TIAM2: variants seen among roughly 807,000 people sequenced by gnomAD.
TIAM2 encodes TIAM Rac1 associated GEF 2, also known as rho guanine nucleotide exchange factor TIAM2.
TIAM2 carries 80 observed loss-of-function variants against 152.9 expected under a neutral mutation model. That is an observed-to-expected ratio of 0.52 (90% confidence interval 0.44 to 0.63). TIAM2 has a LOEUF of 0.63. Among genes scored for constraint, TIAM2 ranks in the 30% least tolerant of loss-of-function variants. The pLI is 0.00. For missense variants in TIAM2, 1,965 were observed against 2,120.1 expected, an observed-to-expected ratio of 0.93 and a Z score of 1.44; for synonymous variants, 804 against 838.0, an observed-to-expected ratio of 0.96 and a Z score of 0.70.
intron 13 of TIAM2, among the ~76,000 whole-genome samples, chr6:155,182,649 G>T (rs1379639153): frequency 6.6e-6 from 1 of 152,008 alleles, no homozygotes; most frequent in East Asian, 1.9e-4. Flanking sequence ...CCTATATATA[G>T]AGAGAGCATG....
At chr6:155,230,033 G>T (rs1782395829) in intron 15 of TIAM2, among the ~76,000 whole-genome samples, 1 of 151,938 alleles carries the variant, frequency 6.6e-6, no homozygotes, top group Admixed American at 6.6e-5. Context: ...TGAGATTTGG[G>T]TGGGGACACA....
chr6:155,029,674 CAG>C (rs1039363632), intron 1 of TIAM2, among the ~76,000 whole-genome samples: 4 of 85,268 alleles, frequency 4.7e-5, no homozygotes, highest in South Asian at 3.1e-4. Flanking sequence ...TAACTATATA[CAG>C]AGTTATATAA....
chr6:155,183,521 C>T (rs754023268), intron 14 of TIAM2, 21 bp downstream of exon 14: 2 of 1,581,726 alleles, frequency 1.3e-6, no homozygotes, highest in South Asian at 1.2e-5. Context: ...GTTCTGTCTT[C>T]CTTCTTAACT....
At chr6:155,041,275 AG>A (rs1777041902) in intron 1 of TIAM2, among the ~76,000 whole-genome samples, 1 of 152,166 alleles carries the variant, frequency 6.6e-6, no homozygotes, top group Admixed American at 6.5e-5. Flanking sequence ...TTTTCCCCCC[AG>A]GGGCTGGGGG....
intron 2 of TIAM2, among the ~76,000 whole-genome samples, chr6:155,091,397 A>C (rs1778302603): frequency 6.6e-6 from 1 of 152,232 alleles, no homozygotes; most frequent in South Asian, 2.1e-4. Flanking sequence ...TCTGTTGCAC[A>C]GCAGATATGT....
At chr6:155,057,072 A>G (rs1256269060) in intron 1 of TIAM2, among the ~76,000 whole-genome samples, 2 of 116,966 alleles carry the variant, frequency 1.7e-5, no homozygotes, top group Admixed American at 1.3e-4. Context: ...TTTGTCATCC[A>G]GATTGGAGTG....
intron 1 of TIAM2, among the ~76,000 whole-genome samples, chr6:155,048,485 G>A (rs1311366182): frequency 6.6e-6 from 1 of 152,120 alleles, no homozygotes; most frequent in African/African-American, 2.4e-5. Flanking sequence ...GAAGAAAACA[G>A]CAAACGAGTA....
intron 2 of TIAM2, 56 bp downstream of exon 2, chr6:155,090,435 A>G (rs1778276361): frequency 6.6e-6 from 1 of 152,180 alleles, no homozygotes; most frequent in South Asian, 2.1e-4. Flanking sequence ...GTCAGTCTGT[A>G]TTTCTTTGCT....
chr6:155,166,332 T>C (rs1780435299), intron 9 of TIAM2, among the ~76,000 whole-genome samples: 2 of 124,486 alleles, frequency 1.6e-5, no homozygotes, highest in Admixed American at 1.6e-4. Flanking sequence ...TTTTTTTTTT[T>C]TCTTTTTTTG....
At chr6:155,239,086 G>A (rs1782905796) in intron 15 of TIAM2, among the ~76,000 whole-genome samples, 1 of 152,164 alleles carries the variant, frequency 6.6e-6, no homozygotes, top group African/African-American at 2.4e-5. Context: ...TGACCAACAT[G>A]CTTGTGTAAG....
intron 1 of TIAM2, among the ~76,000 whole-genome samples, chr6:155,057,427 G>A (rs1391478984): frequency 6.6e-6 from 1 of 151,350 alleles, no homozygotes; most frequent in Non-Finnish European, 1.5e-5. Context: ...TATCACAGGT[G>A]CATACTATTA....
chr6:155,068,358 T>G (rs1777752299), intron 1 of TIAM2, among the ~76,000 whole-genome samples: 1 of 152,200 alleles, frequency 6.6e-6, no homozygotes, highest in South Asian at 2.1e-4. Flanking sequence ...TCAATCTCTA[T>G]AGATGAAAAG....
At chr6:155,082,248 C>T (rs569032119) in intron 1 of TIAM2, among the ~76,000 whole-genome samples, 103 of 152,144 alleles carry the variant, frequency 6.8e-4, no homozygotes, top group Non-Finnish European at 1.0e-3. Flanking sequence ...GAGGCTGAAG[C>T]GGGAGGATTG....
intron 15 of TIAM2, among the ~76,000 whole-genome samples, chr6:155,238,198 T>C (rs1160445685): frequency 6.6e-6 from 1 of 152,226 alleles, no homozygotes; most frequent in Non-Finnish European, 1.5e-5. Context: ...CGCCAAGCTG[T>C]TGGCTAAAAC....
At chr6:155,249,997 C>A in intron 21 of TIAM2, 28 bp downstream of exon 21, 1 of 1,570,244 alleles carries the variant, frequency 6.4e-7, no homozygotes, top group Non-Finnish European at 8.7e-7. Context: ...ACCCTGGGAG[C>A]CTAGTGCATG....
intron 1 of TIAM2, among the ~76,000 whole-genome samples, chr6:155,031,031 C>A (rs9397766): frequency 0.17 from 25,932 of 152,092 alleles, 2,419 homozygotes; most frequent in East Asian, 0.31. Context: ...GACTGCTGTT[C>A]TCTTTGTTGT....
rs1420271001 is a variant in TIAM2, at chr6:155,218,974, C to T, written c.3168+7667C>T. On this transcript the variant is annotated intron_variant, in intron 15 of 26. Coordinates refer to ENST00000682666, the MANE Select transcript of TIAM2 (RefSeq NM_012454.4). This position sits in a 1 kb window ranked among gnomAD's most constrained non-coding sequence, Gnocchi z 4.5. ...CCGTGTTCTTGACCATCTCAGCCGCCCACCCGTGTTCTTGACCATCTCAGC... is the reference window on the plus strand; with the variant it reads ...CCGTGTTCTTGACCATCTCAGCCGCTCACCCGTGTTCTTGACCATCTCAGC... Among the ~76,000 whole-genome samples, 1 of 132,776 alleles carries T rather than the reference C, an allele frequency of 7.5e-6. No homozygotes were observed. Among genetic ancestry groups the T allele is most frequent in the East Asian group, 2.3e-4 (1 of 4,266 alleles). The allele number at this position is 132,776 out of a possible 152,430, so 87.1% of individuals were successfully genotyped here. A position where few individuals can be genotyped will look rare whatever the true frequency, so the allele number is the denominator to read the frequency against.
rs1167222547 is a variant in TIAM2 at position 155,164,381 on chromosome 6, T to G, written c.2029-34T>G. On this transcript the variant is annotated intron_variant, in intron 7 of 26. Coordinates refer to ENST00000682666, the MANE Select transcript of TIAM2 (RefSeq NM_012454.4). ...CGTTTTAACCTGTGAAAACTTTTAA[T>G]TTTTATTTAAATCACCTCTGTTTTT... is the stretch of plus-strand genomic sequence containing the variant. The G allele has an allele frequency of 1.9e-6, 3 of 1,543,710 alleles. No homozygotes were observed. The African/African-American group carries it at 4.1e-5, about 21-fold the overall frequency.
intron 7 of TIAM2, among the ~76,000 whole-genome samples, chr6:155,150,721 G>A (rs956890251): frequency 6.6e-6 from 1 of 151,954 alleles, no homozygotes; most frequent in South Asian, 2.1e-4. Flanking sequence ...GGCAGATTCA[G>A]TGTCTGGTGA....
Sources: allele counts gnomAD v4.1 joint callset (sites outside exome capture counted in the v4.1 genomes callset), GRCh38; gene constraint gnomAD v4.1.1; non-coding constraint Gnocchi (gnomAD v3.1); transcripts MANE v1.5; gene names NCBI Gene and HGNC (gene_info 2026-07-23, HGNC 2026-07-21).